Variants in DPP10 observed in about 807,000 individuals in gnomAD.
The protein encoded by DPP10 is inactive dipeptidyl peptidase 10.
DPP10 carries 33 observed loss-of-function variants against 120.9 expected under a neutral mutation model. The ratio of observed to expected loss-of-function variants is 0.27; its 90% CI spans 0.21 to 0.37. The LOEUF (loss-of-function observed/expected upper bound fraction) is 0.37, where lower values mean the gene tolerates loss of function less well. Among genes scored for constraint, DPP10 ranks in the 10% least tolerant of loss-of-function variants. The pLI is 1.00. For synonymous variants in DPP10, 337 were observed against 326.1 expected, an observed-to-expected ratio of 1.03 and a Z score of -0.36; for missense variants, 816 against 942.8, an observed-to-expected ratio of 0.87 and a Z score of 1.76.
At position 114,497,108 on chromosome 2, in the gene DPP10, C is replaced by G. The variant is rs1052179120; in HGVS notation, c.60+54270C>G. On this transcript the variant is annotated intron_variant, in intron 1 of 25. Transcript: ENST00000410059. Reference sequence around the variant, plus strand: ...ATGTACATGTACATGTGTACATGTACGTATACATGCACACGTGTATACATG... The same window carrying G: ...ATGTACATGTACATGTGTACATGTAGGTATACATGCACACGTGTATACATG... Among the ~76,000 whole-genome samples the G allele has an allele frequency of 5.4e-5, 8 of 148,804 alleles. No individual in the cohort carries two copies. The East Asian group carries it at 1.6e-3, about 30-fold the overall frequency.
At chr2:115,728,012 C>A in intron 8 of DPP10, 76 bp downstream of exon 8, 1 of 1,481,330 alleles carries the variant, frequency 6.8e-7, no homozygotes, top group South Asian at 1.3e-5. Flanking sequence ...AAAATCTATT[C>A]ATTCCGGAGC....
At chr2:114,534,958 T>C (rs1401132187) in intron 1 of DPP10, among the ~76,000 whole-genome samples, 1 of 152,192 alleles carries the variant, frequency 6.6e-6, no homozygotes, top group Non-Finnish European at 1.5e-5. Flanking sequence ...GGTTTTCAAT[T>C]TTCTTTGATA....
chr2:115,361,377 C>T lies in DPP10; in HGVS notation c.271+17465C>T, dbSNP rs138802310. 3.7e-3 allele frequency among the ~76,000 whole-genome samples: 567 copies of T among 152,124 alleles called. 4 individuals carry two copies. Among genetic ancestry groups the T allele is most frequent in the African/African-American group, 0.012 (496 of 41,492 alleles). ...GGGCAAAGCAATTCCAGACTAATGG[C>T]GAGACACTCAGGTGGGGCAGTAGAG... On this transcript the variant is annotated intron_variant, in intron 3 of 25. Coordinates refer to ENST00000410059, the MANE Select transcript of DPP10 (RefSeq NM_020868.6).
chr2:114,605,882 C>A lies in DPP10; in HGVS notation c.60+163044C>A, dbSNP rs145712067. Among the ~76,000 whole-genome samples the A allele has an allele frequency of 5.9e-5, 9 of 152,224 alleles. No homozygotes were observed. In the East Asian group the frequency reaches 7.7e-4, roughly 13 times the overall value. ...CTGGGCTTGGGTGTTCACTTTTCAT[C>A]TCTAAGTCTGTTTTATTTTAGCCCA... On this transcript the variant is annotated intron_variant, in intron 1 of 25. Coordinates refer to ENST00000410059, the MANE Select transcript of DPP10 (RefSeq NM_020868.6).
intron 3 of DPP10, among the ~76,000 whole-genome samples, chr2:115,369,610 A>G (rs1467830542): frequency 6.6e-6 from 1 of 152,088 alleles, no homozygotes; most frequent in Non-Finnish European, 1.5e-5. Flanking sequence ...AAATCTGTTT[A>G]AGACAAGAAG....
intron 1 of DPP10, among the ~76,000 whole-genome samples, chr2:115,220,742 C>G (rs1017709748): frequency 6.6e-6 from 1 of 152,136 alleles, no homozygotes; most frequent in Non-Finnish European, 1.5e-5. Context: ...AAACAAATCA[C>G]TACTGTGCCT....
At chr2:115,159,092 T>G (rs116646017) in intron 1 of DPP10, among the ~76,000 whole-genome samples, 2 of 152,072 alleles carry the variant, frequency 1.3e-5, no homozygotes, top group Non-Finnish European at 2.9e-5. Flanking sequence ...CATCAACATA[T>G]CATCACAAAA....
At chr2:114,487,382 C>A (rs1355065342) in intron 1 of DPP10, among the ~76,000 whole-genome samples, 1 of 152,128 alleles carries the variant, frequency 6.6e-6, no homozygotes, top group Admixed American at 6.5e-5. Flanking sequence ...GTGGATTCTT[C>A]ATTTGTGTTA....
At chr2:115,512,207 C>A (rs533246692) in intron 4 of DPP10, among the ~76,000 whole-genome samples, 2 of 152,020 alleles carry the variant, frequency 1.3e-5, no homozygotes, top group Non-Finnish European at 1.5e-5. Context: ...CTTAAGCAAC[C>A]TTCCCACCTG....
chr2:115,254,281 A>C (rs1230629776), intron 1 of DPP10, among the ~76,000 whole-genome samples: 4 of 152,032 alleles, frequency 2.6e-5, no homozygotes, highest in African/African-American at 9.7e-5. Flanking sequence ...AGAGGGGAAA[A>C]CCCCTTATAA....
chr2:114,739,685 T>C (rs932498263), intron 1 of DPP10, among the ~76,000 whole-genome samples: 7 of 152,022 alleles, frequency 4.6e-5, no homozygotes, highest in Non-Finnish European at 7.4e-5. Flanking sequence ...GAGAAAGATA[T>C]CTGTCAGTTT....
chr2:115,799,599 A>C (rs1204791109), intron 19 of DPP10, among the ~76,000 whole-genome samples: 2 of 90,814 alleles, frequency 2.2e-5, no homozygotes, highest in East Asian at 4.0e-4. Context: ...CCCACCCCAC[A>C]ACAGGCCCTG....
In DPP10 at chr2:115,840,831, A is replaced by G. The variant is rs1690069727; in HGVS notation, c.2256+8A>G. 10 of 1,607,364 alleles carry G rather than the reference A, an allele frequency of 6.2e-6. No homozygotes were observed. The highest frequency in any genetic ancestry group is 1.7e-5 in the Admixed American group (1 of 59,318). On this transcript the variant is annotated splice_region_variant and intron_variant, in intron 25 of 25. Transcript: ENST00000410059. ...GTGAATTATACTATGCAGGTAAGCT[A>G]CTTTCTTAGAAGAACGTGTTTTCCT...
At chr2:115,097,002 T>C (rs11890325) in intron 1 of DPP10, among the ~76,000 whole-genome samples, 31,302 of 151,992 alleles carry the variant, frequency 0.21, 3,967 homozygotes, top group East Asian at 0.36. Flanking sequence ...ATAAAAGGTT[T>C]TGCTTGAGCA....
intron 1 of DPP10, among the ~76,000 whole-genome samples, chr2:114,611,830 G>T (rs1432876329): frequency 6.6e-6 from 1 of 152,160 alleles, no homozygotes; most frequent in Non-Finnish European, 1.5e-5. Flanking sequence ...GGGCTTTGGT[G>T]ACTGAAATGA....
At chr2:114,873,146 T>G (rs748698937) in intron 1 of DPP10, among the ~76,000 whole-genome samples, 1 of 152,188 alleles carries the variant, frequency 6.6e-6, no homozygotes, top group Non-Finnish European at 1.5e-5. Context: ...ACCACATTGC[T>G]AAAGTAAAGA....
Position 114,454,692 on chromosome 2 carries a change from C to A in DPP10, c.60+11854C>A, listed in dbSNP as rs543755300. Among the ~76,000 whole-genome samples, 11 of 152,298 alleles carry A rather than the reference C, an allele frequency of 7.2e-5. No homozygotes were observed. The East Asian group carries it at 2.1e-3, about 29-fold the overall frequency. On this transcript the variant is annotated intron_variant, in intron 1 of 25. Transcript: ENST00000410059. ...TGAATTCACAGGGAATTTGTCTCAT[C>A]TTGGAAGATTTCTCAACCCTTTTTT... is the stretch of plus-strand genomic sequence containing the variant.
At chr2:115,493,008 T>G (rs1416136336) in intron 3 of DPP10, among the ~76,000 whole-genome samples, 3 of 152,182 alleles carry the variant, frequency 2.0e-5, no homozygotes, top group African/African-American at 7.2e-5. Flanking sequence ...AGTGAAGTTT[T>G]ACATATGTGG....
At chr2:115,379,534 T>G (rs1249584739) in intron 3 of DPP10, among the ~76,000 whole-genome samples, 2 of 152,122 alleles carry the variant, frequency 1.3e-5, no homozygotes, top group African/African-American at 4.8e-5. Context: ...TTGAAGGGTT[T>G]TTTGTGTCTC....
Sources: gnomAD v4.1 joint callset for allele counts (sites outside exome capture counted in the v4.1 genomes callset) on GRCh38, gnomAD v4.1.1 for gene constraint, MANE v1.5 for transcripts, NCBI Gene and HGNC (gene_info 2026-07-23, HGNC 2026-07-21) for gene names.